Variants in DCUN1D4 observed in about 807,000 individuals in gnomAD.
The protein encoded by DCUN1D4 is DCN1-like protein 4.
Under a neutral mutation model 47.9 loss-of-function variants are expected in DCUN1D4, and 22 were observed. That is an observed-to-expected ratio of 0.46 (90% CI 0.33 to 0.66). The LOEUF (loss-of-function observed/expected upper bound fraction) is 0.66, where lower values mean the gene tolerates loss of function less well. DCUN1D4 is among the 30% of genes least tolerant of loss of function. The pLI is 0.02. For synonymous variants in DCUN1D4, 121 were observed against 112.2 expected, an observed-to-expected ratio of 1.08 and a Z score of -0.50; for missense variants, 301 against 340.8, an observed-to-expected ratio of 0.88 and a Z score of 0.92.
chr4:51,873,827 C>G (rs747814330), intron 3 of DCUN1D4, among the ~76,000 whole-genome samples: 5 of 152,152 alleles, frequency 3.3e-5, no homozygotes, highest in Non-Finnish European at 5.9e-5. Context: ...AATCAGATAT[C>G]TCTTGAAGCT....
At chr4:51,885,489 A>T (rs1473408074) in intron 5 of DCUN1D4, among the ~76,000 whole-genome samples, 1 of 152,184 alleles carries the variant, frequency 6.6e-6, no homozygotes, top group Non-Finnish European at 1.5e-5. Context: ...GCTCCGTTTT[A>T]GTGAGGCAGT....
intron 7 of DCUN1D4, among the ~76,000 whole-genome samples, chr4:51,895,674 A>G (rs1416763498): frequency 6.6e-6 from 1 of 151,900 alleles, no homozygotes; most frequent in South Asian, 2.1e-4. Context: ...TTCCTGGGTA[A>G]TAGGGGAAAG....
chr4:51,870,366 C>G (rs1726692096), intron 3 of DCUN1D4, among the ~76,000 whole-genome samples: 1 of 151,882 alleles, frequency 6.6e-6, no homozygotes, highest in Admixed American at 6.6e-5. Flanking sequence ...AGCAAGCATT[C>G]CTTGAATATG....
Position 51,914,593 on chromosome 4 carries a change from G to C in DCUN1D4, c.*1009G>C, listed in dbSNP as rs1285041030. The C allele has an allele frequency of 6.6e-6, 1 of 152,470 alleles. No homozygotes were observed. Among genetic ancestry groups the C allele is most frequent in the African/African-American group, 2.4e-5 (1 of 41,428 alleles). The allele number at this position is 152,470 out of a possible 1,614,324, so 9.4% of individuals were successfully genotyped here. ...GCATACTATAAGTGAGAGCTGTTTTGTTTTCCTTGTTTGTTTGTTTCATGC... is the reference window on the plus strand; with the variant it reads ...GCATACTATAAGTGAGAGCTGTTTTCTTTTCCTTGTTTGTTTGTTTCATGC... On this transcript the variant is annotated 3_prime_UTR_variant, in exon 11 of 11. Transcript: ENST00000334635.
intron 8 of DCUN1D4, among the ~76,000 whole-genome samples, chr4:51,900,957 C>G (rs560227323): frequency 6.6e-6 from 1 of 152,152 alleles, no homozygotes; most frequent in East Asian, 1.9e-4. Context: ...TGGCTAACGT[C>G]CTGTTCTGGG....
At chr4:51,858,860 A>G (rs961047035) in intron 1 of DCUN1D4, among the ~76,000 whole-genome samples, 3 of 152,352 alleles carry the variant, frequency 2.0e-5, no homozygotes, top group East Asian at 1.9e-4. Flanking sequence ...TTGAGCTACT[A>G]TGGCAGTGTA....
At chr4:51,834,624 A>G in the DCUN1D4 span, among the ~76,000 whole-genome samples, 1 of 152,102 alleles carries the variant, frequency 6.6e-6, no homozygotes, top group Non-Finnish European at 1.5e-5. Context: ...TCACAAGTTT[A>G]GGGAACAAAG....
rs532264934 is a variant in DCUN1D4 at position 51,860,275 on chromosome 4, A to G, written c.26-3162A>G. On this transcript the variant is annotated intron_variant, in intron 1 of 10. Transcript: ENST00000334635. ...CAATAGGGATTGGATATAGAAATGG[A>G]TAATTGGTGACATATATTATGTATT... 1.2e-3 allele frequency among the ~76,000 whole-genome samples: 176 copies of G among 152,154 alleles called. 2 individuals are homozygous for G. The Middle Eastern group carries it at 0.014, about 12-fold the overall frequency.
chr4:51,890,970 G>T (rs1730330177), intron 6 of DCUN1D4, among the ~76,000 whole-genome samples: 1 of 152,230 alleles, frequency 6.6e-6, no homozygotes, highest in Non-Finnish European at 1.5e-5. Flanking sequence ...GGTGGCACCT[G>T]GGGGCCTGCC....
intron 7 of DCUN1D4, among the ~76,000 whole-genome samples, chr4:51,898,542 T>C (rs1046433937): frequency 6.6e-6 from 1 of 152,212 alleles, no homozygotes; most frequent in African/African-American, 2.4e-5. Context: ...ACTTACTATT[T>C]CAAAGAGGAA....
chr4:51,869,867 G>C (rs907087196), intron 3 of DCUN1D4, among the ~76,000 whole-genome samples: 3 of 152,082 alleles, frequency 2.0e-5, no homozygotes, highest in Admixed American at 1.3e-4. Context: ...AAATCAGATG[G>C]GGTCAGTTAA....
In DCUN1D4 at chr4:51,843,178, T is replaced by C. The variant is rs934730331; in HGVS notation, c.-65T>C. ...AGCTTCGAGCCGAGGTGCAGTGAGC[T>C]GGTGGGGGGACCGCGAGGCGAGCGC... is the stretch of plus-strand genomic sequence containing the variant. On this transcript the variant is annotated 5_prime_UTR_variant, in exon 1 of 11. Coordinates refer to ENST00000334635, the MANE Select transcript of DCUN1D4 (RefSeq NM_001040402.3). 2.9e-5 allele frequency: 44 copies of C among 1,532,786 alleles called. No homozygotes were observed. The highest frequency in any genetic ancestry group is 3.6e-5 in the South Asian group (3 of 82,280). The allele number at this position is 1,532,786 out of a possible 1,614,324, so 94.9% of individuals were successfully genotyped here.
At chr4:51,843,118 A>C (rs1721850126), upstream of DCUN1D4, 1 of 1,465,040 alleles carries the variant, frequency 6.8e-7, no homozygotes, top group Non-Finnish European at 9.0e-7. Context: ...AGAAGGCGAG[A>C]TGGGCGGGCT....
intron 3 of DCUN1D4, among the ~76,000 whole-genome samples, chr4:51,870,885 T>C (rs1726781725): frequency 6.6e-6 from 1 of 152,188 alleles, no homozygotes; most frequent in African/African-American, 2.4e-5. Flanking sequence ...TGTTTTTTTT[T>C]TGTAGCCTGA....
intron 1 of DCUN1D4, among the ~76,000 whole-genome samples, chr4:51,843,985 CGG>C (rs1474772713): frequency 5.5e-5 from 8 of 144,352 alleles, no homozygotes; most frequent in Non-Finnish European, 1.1e-4. Context: ...CGGTGGGTAA[CGG>C]AGAGTGGTGG....
chr4:51,876,951 A>G (rs1171711985), intron 4 of DCUN1D4, among the ~76,000 whole-genome samples: 1 of 152,220 alleles, frequency 6.6e-6, no homozygotes, highest in African/African-American at 2.4e-5. Flanking sequence ...TAATTTTTAT[A>G]TCCATATCAT....
intron 1 of DCUN1D4, among the ~76,000 whole-genome samples, chr4:51,861,936 A>G (rs975680121): frequency 1.2e-4 from 19 of 152,078 alleles, no homozygotes; most frequent in Non-Finnish European, 2.4e-4. Context: ...TTTAATAAAT[A>G]TAAATGTAAA....
At position 51,916,502 on chromosome 4, in the gene DCUN1D4, T is replaced by C. The variant is rs891305296; in HGVS notation, c.*2918T>C. ...TACCTCTGTAAGCCTTATCCTTTATTCTTTCATATGTTGTATAATAAATGT... is the reference window on the plus strand; with the variant it reads ...TACCTCTGTAAGCCTTATCCTTTATCCTTTCATATGTTGTATAATAAATGT... On this transcript the variant is annotated 3_prime_UTR_variant, in exon 11 of 11. Transcript: ENST00000334635. 1 of 152,580 alleles carries C rather than the reference T, an allele frequency of 6.6e-6. No individual in the cohort carries two copies. Among genetic ancestry groups the C allele is most frequent in the Non-Finnish European group, 1.5e-5 (1 of 68,004 alleles). The allele number at this position is 152,580 out of a possible 1,614,324, so 9.5% of individuals were successfully genotyped here.
At chr4:51,849,716 T>C (rs1723079508) in intron 1 of DCUN1D4, among the ~76,000 whole-genome samples, 1 of 152,064 alleles carries the variant, frequency 6.6e-6, no homozygotes, top group Admixed American at 6.5e-5. Flanking sequence ...TGCCACTCTT[T>C]ACTGCTGCTT....
Sources: allele counts gnomAD v4.1 joint callset (sites outside exome capture counted in the v4.1 genomes callset), GRCh38; gene constraint gnomAD v4.1.1; transcripts MANE v1.5; gene names NCBI Gene and HGNC (gene_info 2026-07-23, HGNC 2026-07-21).